Variants in CDYL observed in about 807,000 individuals in gnomAD.
CDYL encodes chromodomain Y like.
Under a neutral mutation model 47.3 loss-of-function variants are expected in CDYL, and 8 were observed. That is an observed-to-expected ratio of 0.17 (90% CI 0.10 to 0.31). CDYL has a LOEUF of 0.31. Ranked by LOEUF, CDYL falls within the 10% of genes least tolerant of loss-of-function variation. The pLI, the probability that CDYL is intolerant of heterozygous loss-of-function variation, is 1.00. For synonymous variants in CDYL, 266 were observed against 265.0 expected, an observed-to-expected ratio of 1.00 and a Z score of -0.04; for missense variants, 471 against 701.4, an observed-to-expected ratio of 0.67 and a Z score of 3.71.
In CDYL at chr6:4,840,608, G is replaced by A. The variant is rs143157388; in HGVS notation, c.25-51105G>A. ...TTTTGCTGAGGGTTTTAATCGTAAA[G>A]GGGTGCTGGATTTTGTCAAATGCTT... On this transcript the variant is annotated intron_variant, in intron 1 of 6. Transcript: ENST00000397588. Among the ~76,000 whole-genome samples, 1,406 of 152,246 alleles carry A rather than the reference G, an allele frequency of 9.2e-3. 18 individuals are homozygous for A. Among genetic ancestry groups the A allele is most frequent in the African/African-American group, 0.032 (1,336 of 41,552 alleles).
chr6:4,769,298 T>C (rs775326148), intron 3 of CDYL, among the ~76,000 whole-genome samples: 3 of 152,218 alleles, frequency 2.0e-5, no homozygotes, highest in Non-Finnish European at 4.4e-5. Context: ...AATTTTTCTA[T>C]AAATCTAAAT....
At chr6:4,804,324 G>T (rs1024620754) in intron 1 of CDYL, among the ~76,000 whole-genome samples, 7 of 152,184 alleles carry the variant, frequency 4.6e-5, no homozygotes, top group Non-Finnish European at 7.3e-5. Flanking sequence ...GAAGTGCGGG[G>T]CGCTGCCTAA....
At chr6:4,910,990 C>T (rs561290072) in intron 2 of CDYL, among the ~76,000 whole-genome samples, 101 of 152,254 alleles carry the variant, frequency 6.6e-4, no homozygotes, top group Admixed American at 2.9e-3. Context: ...CCTGCCACCA[C>T]GCCCGGCTAA....
At chr6:4,742,834 A>G (rs137859539) in intron 3 of CDYL, among the ~76,000 whole-genome samples, 1 of 152,230 alleles carries the variant, frequency 6.6e-6, no homozygotes, top group Non-Finnish European at 1.5e-5. Context: ...AGATAGGATC[A>G]TCTTGAAGCT....
chr6:4,723,730 A>T (rs181147576), intron 2 of CDYL, among the ~76,000 whole-genome samples: 50 of 152,310 alleles, frequency 3.3e-4, no homozygotes, highest in African/African-American at 1.2e-3. Context: ...GGGCAGAGTG[A>T]GTCTGAAGGC....
At chr6:4,884,024 C>T (rs866649667) in intron 1 of CDYL, among the ~76,000 whole-genome samples, 1 of 152,206 alleles carries the variant, frequency 6.6e-6, no homozygotes, top group Non-Finnish European at 1.5e-5. Context: ...TAGCTTTCCC[C>T]ACTGTGAGAG....
At chr6:4,749,302 TGG>T (rs1491369660) in intron 3 of CDYL, among the ~76,000 whole-genome samples, 3 of 112,704 alleles carry the variant, frequency 2.7e-5, no homozygotes, top group African/African-American at 8.8e-5. Context: ...GATGGATGGA[TGG>T]ATAGATGGAT....
chr6:4,858,308 T>C (rs1371475738), intron 1 of CDYL, among the ~76,000 whole-genome samples: 1 of 152,198 alleles, frequency 6.6e-6, no homozygotes, highest in Non-Finnish European at 1.5e-5. Context: ...AAACCACCGT[T>C]TGATTTGATT....
intron 1 of CDYL, among the ~76,000 whole-genome samples, chr6:4,788,201 C>T (rs906403617): frequency 6.6e-6 from 1 of 151,998 alleles, no homozygotes; most frequent in Admixed American, 6.6e-5. Context: ...TTTAAAAAGG[C>T]TTTTCAGGCT....
chr6:4,837,865 C>A (rs907945724), intron 1 of CDYL, among the ~76,000 whole-genome samples: 2 of 152,102 alleles, frequency 1.3e-5, no homozygotes, highest in Admixed American at 6.6e-5. Flanking sequence ...CCTCTGCCTC[C>A]CAGGCTCAAG....
intron 2 of CDYL, among the ~76,000 whole-genome samples, chr6:4,926,986 T>C (rs1191796331): frequency 6.6e-6 from 1 of 152,184 alleles, no homozygotes; most frequent in Non-Finnish European, 1.5e-5. Context: ...TGGCAGCTGC[T>C]GTGATGCACT....
At chr6:4,911,106 G>A (rs752303938) in intron 2 of CDYL, among the ~76,000 whole-genome samples, 1 of 152,174 alleles carries the variant, frequency 6.6e-6, no homozygotes, top group Admixed American at 6.5e-5. Flanking sequence ...GATTACAGGC[G>A]TGAGCCACTG....
intron 1 of CDYL, among the ~76,000 whole-genome samples, chr6:4,825,456 A>G (rs1759956458): frequency 6.6e-6 from 1 of 152,132 alleles, no homozygotes; most frequent in South Asian, 2.1e-4. Context: ...ACACTTCACA[A>G]TTGAGTGTAT....
intron 1 of CDYL, among the ~76,000 whole-genome samples, chr6:4,871,314 G>C (rs808591): frequency 0.023 from 3,427 of 152,218 alleles, 129 homozygotes; most frequent in African/African-American, 0.078. Context: ...ACTCCCTGCT[G>C]TTGGATTTTA....
intron 1 of CDYL, among the ~76,000 whole-genome samples, chr6:4,791,468 CA>C (rs949987187): frequency 6.6e-5 from 10 of 152,036 alleles, no homozygotes; most frequent in Non-Finnish European, 1.2e-4. Flanking sequence ...AGAGCATATT[CA>C]AAAAACTGTG....
intron 1 of CDYL, among the ~76,000 whole-genome samples, chr6:4,868,609 G>T (rs563015481): frequency 6.6e-6 from 1 of 152,230 alleles, no homozygotes; most frequent in East Asian, 1.9e-4. Flanking sequence ...AGTGCACTTG[G>T]AAGGACCATT....
intron 2 of CDYL, chr6:4,724,376 T>TCC (rs1561824699): frequency 6.6e-6 from 1 of 152,002 alleles, no homozygotes; most frequent in African/African-American, 2.4e-5. Flanking sequence ...ATTCCAAAGG[T>TCC]GAGGGTGTCT....
At chr6:4,877,431 G>A (rs1242055139) in intron 1 of CDYL, among the ~76,000 whole-genome samples, 5 of 152,086 alleles carry the variant, frequency 3.3e-5, no homozygotes, top group Admixed American at 2.0e-4. Flanking sequence ...CAAGGATGAC[G>A]TTGGTTTGCT....
chr6:4,952,465 T>C, intron 6 of CDYL, 56 bp downstream of exon 6: 4 of 1,552,546 alleles, frequency 2.6e-6, no homozygotes, highest in Non-Finnish European at 3.5e-6. Context: ...AACTTTTCCC[T>C]CAGAGAGCTC....
Sources: gnomAD v4.1 joint callset for allele counts (sites outside exome capture counted in the v4.1 genomes callset) on GRCh38, gnomAD v4.1.1 for gene constraint, MANE v1.5 for transcripts, NCBI Gene and HGNC (gene_info 2026-07-23, HGNC 2026-07-21) for gene names.